Variants in DLGAP4 observed in about 807,000 individuals in gnomAD.
DLGAP4 encodes DLG associated protein 4.
In DLGAP4, 18 loss-of-function variants were observed where a neutral mutation model predicts 86.9. That is an observed-to-expected ratio of 0.21 (90% CI 0.14 to 0.31). DLGAP4 has a LOEUF of 0.31. Ranked by LOEUF, DLGAP4 falls within the 10% of genes least tolerant of loss-of-function variation. The probability of loss-of-function intolerance (pLI) is 1.00; values close to 1 mark genes in which losing one functional copy is unlikely to be tolerated. For missense variants in DLGAP4, 1,085 were observed against 1,362.6 expected (o/e 0.80, Z 3.21); for synonymous variants, 548 against 574.3 (o/e 0.95, Z 0.65).
chr20:36,458,128 G>A (rs1191982964), intron 7 of DLGAP4, among the ~76,000 whole-genome samples: 1 of 152,058 alleles, frequency 6.6e-6, no homozygotes. Context: ...ACCGACTGTG[G>A]AAACAACTTT....
intron 6 of DLGAP4, among the ~76,000 whole-genome samples, chr20:36,444,895 G>A (rs1051176374): frequency 5.4e-5 from 8 of 147,012 alleles, no homozygotes; most frequent in Non-Finnish European, 1.2e-4. Flanking sequence ...CCACCTTGGC[G>A]TCCCAAAGTG....
chr20:36,347,329 A>G (rs1312173913), intron 1 of DLGAP4, among the ~76,000 whole-genome samples: 4 of 152,084 alleles, frequency 2.6e-5, no homozygotes, highest in African/African-American at 9.7e-5. Flanking sequence ...GGGAGGAAAG[A>G]TGGATTCTTT....
chr20:36,320,288 T>C (rs1347064821), intron 1 of DLGAP4, among the ~76,000 whole-genome samples: 1 of 150,104 alleles, frequency 6.7e-6, no homozygotes, highest in Non-Finnish European at 1.5e-5. Context: ...CCCTCCTCTG[T>C]GTCCCCCTTC....
intron 2 of DLGAP4, among the ~76,000 whole-genome samples, chr20:36,406,829 C>G (rs576299311): frequency 6.6e-6 from 1 of 152,072 alleles, no homozygotes; most frequent in African/African-American, 2.4e-5. Flanking sequence ...CTTAAAGACC[C>G]CTTTTCTAGC....
At chr20:36,328,738 C>T (rs1444281187) in intron 1 of DLGAP4, among the ~76,000 whole-genome samples, 2 of 151,054 alleles carry the variant, frequency 1.3e-5, no homozygotes, top group Non-Finnish European at 3.0e-5. Context: ...AAGTGATTCT[C>T]CTGCCTCAGC....
intron 6 of DLGAP4, among the ~76,000 whole-genome samples, chr20:36,444,709 T>C (rs1188251199): frequency 6.6e-6 from 1 of 152,186 alleles, no homozygotes; most frequent in African/African-American, 2.4e-5. Flanking sequence ...TGCCCAGTCT[T>C]GGCTCACTGC....
intron 7 of DLGAP4, 144 bp from the exon 8 acceptor site, chr20:36,496,561 C>A: frequency 7.4e-7 from 1 of 1,345,638 alleles, no homozygotes; most frequent in South Asian, 1.5e-5. Context: ...CTCGTTCTCC[C>A]TGCTCCAGAA....
intron 2 of DLGAP4, among the ~76,000 whole-genome samples, chr20:36,414,250 C>A (rs964557000): frequency 6.6e-6 from 1 of 152,142 alleles, no homozygotes; most frequent in African/African-American, 2.4e-5. Context: ...GATCCTGGTC[C>A]ATCCAGACCC....
At chr20:36,410,280 G>A (rs2032461637) in intron 2 of DLGAP4, among the ~76,000 whole-genome samples, 2 of 152,130 alleles carry the variant, frequency 1.3e-5, no homozygotes, top group South Asian at 2.1e-4. Flanking sequence ...CCAGCTGAGG[G>A]CTTTCTTTCA....
rs1184756866 is a variant in DLGAP4, at chr20:36,512,369, T to C, written c.2512+11758T>C. Among the ~76,000 whole-genome samples, 5 of 152,206 alleles carry C rather than the reference T, an allele frequency of 3.3e-5. No individual in the cohort carries two copies. The East Asian group carries it at 9.7e-4, about 29-fold the overall frequency. On this transcript the variant is annotated intron_variant, in intron 10 of 12. Coordinates refer to ENST00000339266, the MANE Select transcript of DLGAP4 (RefSeq NM_001365621.2). ...CTGGCCCCTTGTCTCTCTGATCTTA[T>C]TGATATCTTGTCCAACTGTATGGCA...
intron 1 of DLGAP4, among the ~76,000 whole-genome samples, chr20:36,359,506 A>G (rs1385676717): frequency 6.6e-6 from 1 of 152,064 alleles, no homozygotes; most frequent in Non-Finnish European, 1.5e-5. Context: ...AGACTTAGGG[A>G]GAGATCTGGG....
intron 1 of DLGAP4, among the ~76,000 whole-genome samples, chr20:36,356,562 C>G (rs1263921182): frequency 2.0e-5 from 3 of 151,922 alleles, no homozygotes; most frequent in African/African-American, 7.3e-5. Flanking sequence ...TCCACTGCCT[C>G]GGCCTCCCAA....
At chr20:36,369,138 G>T (rs1358518706) in intron 2 of DLGAP4, among the ~76,000 whole-genome samples, 2 of 152,214 alleles carry the variant, frequency 1.3e-5, no homozygotes, top group African/African-American at 2.4e-5. Flanking sequence ...TTGCTAACAA[G>T]CTGGTTATTT....
At chr20:36,316,429 G>A (rs1043412673) in intron 1 of DLGAP4, among the ~76,000 whole-genome samples, 5 of 151,912 alleles carry the variant, frequency 3.3e-5, no homozygotes, top group Non-Finnish European at 5.9e-5. Context: ...CCCTTTCCCT[G>A]GAAATCCTTC....
rs543570023 is a variant in DLGAP4, at chr20:36,497,172, T to C, written c.2010+106T>C. 3.3e-5 allele frequency: 50 copies of C among 1,493,118 alleles called. No homozygotes were observed. The South Asian group carries it at 6.4e-4, about 19-fold the overall frequency. 92.5% of individuals were successfully genotyped at this position (1,493,118 alleles called of 1,614,324 possible). A position where few individuals can be genotyped will look rare whatever the true frequency, so the allele number is the denominator to read the frequency against. On this transcript the variant is annotated intron_variant, in intron 8 of 12. Coordinates refer to ENST00000339266, the MANE Select transcript of DLGAP4 (RefSeq NM_001365621.2). Reference sequence around the variant, plus strand: ...CTAGGTCTCCTGGGAAAAGGTGGTTTGTCTCTCTATTTTGGGGGATCAGCC... The same window carrying C: ...CTAGGTCTCCTGGGAAAAGGTGGTTCGTCTCTCTATTTTGGGGGATCAGCC...
At chr20:36,451,286 A>G (rs576683370) in intron 7 of DLGAP4, among the ~76,000 whole-genome samples, 1 of 152,244 alleles carries the variant, frequency 6.6e-6, no homozygotes, top group African/African-American at 2.4e-5. Flanking sequence ...CTTCTGTGGG[A>G]CCATGCCCTT....
intron 7 of DLGAP4, among the ~76,000 whole-genome samples, chr20:36,482,696 G>A (rs2035241841): frequency 6.6e-6 from 1 of 152,112 alleles, no homozygotes; most frequent in African/African-American, 2.4e-5. Flanking sequence ...TTTTGAGACA[G>A]GGTCTAACTC....
At chr20:36,495,380 C>G (rs908727128) in intron 7 of DLGAP4, among the ~76,000 whole-genome samples, 1 of 152,274 alleles carries the variant, frequency 6.6e-6, no homozygotes, top group South Asian at 2.1e-4. Context: ...CTATCACCAT[C>G]ACCATGATTG....
intron 10 of DLGAP4, among the ~76,000 whole-genome samples, chr20:36,518,088 C>T (rs541409824): frequency 5.5e-4 from 84 of 152,146 alleles, no homozygotes; most frequent in Non-Finnish European, 1.1e-3. Context: ...GGCATGATGG[C>T]GGGTGCCTGT....
Sources: allele counts gnomAD v4.1 joint callset (sites outside exome capture counted in the v4.1 genomes callset), GRCh38; gene constraint gnomAD v4.1.1; transcripts MANE v1.5; gene names NCBI Gene and HGNC (gene_info 2026-07-23, HGNC 2026-07-21).